FGF12: variants seen among roughly 807,000 people sequenced by gnomAD.
FGF12 encodes the protein fibroblast growth factor 12B.
A neutral mutation model predicts 23.6 loss-of-function variants in FGF12; 14 were observed. That is an observed-to-expected ratio of 0.59 (90% CI 0.39 to 0.93). FGF12 has a LOEUF of 0.93. Ranked by LOEUF, FGF12 falls within the 40% of genes least tolerant of loss-of-function variation. The probability of loss-of-function intolerance (pLI) is 0.00; values close to 1 mark genes in which losing one functional copy is unlikely to be tolerated. For missense variants in FGF12, 175 were observed against 217.8 expected, an observed-to-expected ratio of 0.80 and a Z score of 1.24; for synonymous variants, 62 against 77.3, an observed-to-expected ratio of 0.80 and a Z score of 1.04.
chr3:192,590,165 A>G (rs1713560366), intron 2 of FGF12, among the ~76,000 whole-genome samples: 1 of 151,902 alleles, frequency 6.6e-6, no homozygotes, highest in Admixed American at 6.6e-5. Flanking sequence ...TTCAGATATC[A>G]AATTCATGCA....
intron 2 of FGF12, among the ~76,000 whole-genome samples, chr3:192,542,348 TAA>T (rs1725390446): frequency 6.6e-6 from 1 of 152,224 alleles, no homozygotes; most frequent in African/African-American, 2.4e-5. Flanking sequence ...AATTCTTTTT[TAA>T]TTATTTGAAT....
chr3:192,231,281 C>T lies in FGF12; in HGVS notation c.229-60625G>A, dbSNP rs183620329. 6.3e-3 allele frequency among the ~76,000 whole-genome samples: 951 copies of T among 150,980 alleles called. 10 individuals are homozygous for T. The highest frequency in any genetic ancestry group is 0.023 in the African/African-American group (926 of 41,030). The stretch of plus-strand genomic sequence containing the variant: ...AATGCCTATTTAGATAGGTCACAGG[C>T]CCCCCTTTTTTTTTACTAAGCTAAA... On this transcript the variant is annotated intron_variant, in intron 4 of 5. Transcript: ENST00000445105.
intron 4 of FGF12, among the ~76,000 whole-genome samples, chr3:192,303,647 C>A (rs768844188): frequency 1.3e-5 from 2 of 152,162 alleles, no homozygotes; most frequent in Non-Finnish European, 2.9e-5. Flanking sequence ...AAATTATGAA[C>A]AGGTATCAGA....
At chr3:192,432,467 T>C (rs745326427) in intron 2 of FGF12, among the ~76,000 whole-genome samples, 2 of 151,860 alleles carry the variant, frequency 1.3e-5, no homozygotes, top group Non-Finnish European at 2.9e-5. Flanking sequence ...GAGATATCAC[T>C]CTCTGGATTG....
intron 4 of FGF12, among the ~76,000 whole-genome samples, chr3:192,281,235 C>T (rs370090153): frequency 1.3e-5 from 2 of 152,118 alleles, no homozygotes; most frequent in East Asian, 1.9e-4. Flanking sequence ...TCCTAGTTTG[C>T]CTTTTCCTAG....
chr3:192,584,366 A>C (rs146858898), intron 2 of FGF12, among the ~76,000 whole-genome samples: 1 of 152,150 alleles, frequency 6.6e-6, no homozygotes, highest in African/African-American at 2.4e-5. Flanking sequence ...TCATGATAAC[A>C]TAATTATAAG....
chr3:192,712,537 T>C, intron 2 of FGF12, among the ~76,000 whole-genome samples: 2 of 151,676 alleles, frequency 1.3e-5, no homozygotes, highest in Middle Eastern at 6.9e-3. Flanking sequence ...AAATAAGAAA[T>C]CAGAATGTTA....
intron 2 of FGF12, among the ~76,000 whole-genome samples, chr3:192,550,923 T>G (rs1056224814): frequency 6.6e-6 from 1 of 152,184 alleles, no homozygotes; most frequent in Non-Finnish European, 1.5e-5. Flanking sequence ...TAGCTTCCTC[T>G]CCCTGGAACG....
chr3:192,677,068 T>A (rs1717351020), intron 2 of FGF12, among the ~76,000 whole-genome samples: 3 of 152,202 alleles, frequency 2.0e-5, no homozygotes, highest in African/African-American at 7.2e-5. Context: ...GCTCACCCTG[T>A]AGTGACTGTT....
rs1434085404 is a variant in FGF12 at position 192,409,760 on chromosome 3, G to A, written c.14-49222C>T. ...CCTAGGCCTCCTGGGGCTACCTCGC[G>A]AGGCAGCCGAGGGCGCAACCCGGGC... is the stretch of plus-strand genomic sequence containing the variant. On this transcript the variant is annotated intron_variant, in intron 2 of 5. Transcript: ENST00000445105. This position sits in a 1 kb window ranked among gnomAD's most constrained non-coding sequence, Gnocchi z 4.8. Among the ~76,000 whole-genome samples the A allele has an allele frequency of 1.3e-5, 2 of 152,114 alleles. No individual in the cohort carries two copies. The highest frequency in any genetic ancestry group is 6.5e-5 in the Admixed American group (1 of 15,276).
chr3:192,201,051 T>C lies in FGF12; in HGVS notation c.229-30395A>G, dbSNP rs375211931. On this transcript the variant is annotated intron_variant, in intron 4 of 5. Transcript: ENST00000445105. ...GCTTCAGATGTCTCCAGATAATCCC[T>C]CTGTTAATTGTGAAGGGTCATCTGT... Among the ~76,000 whole-genome samples, 10 of 152,166 alleles carry C rather than the reference T, an allele frequency of 6.6e-5. 1 individual carries two copies. Among genetic ancestry groups the C allele is most frequent in the African/African-American group, 2.4e-4 (10 of 41,442 alleles).
intron 5 of FGF12, among the ~76,000 whole-genome samples, chr3:192,158,372 T>C (rs1293927997): frequency 8.2e-6 from 1 of 121,528 alleles, no homozygotes; most frequent in African/African-American, 3.2e-5. Context: ...CTTTCTTTCT[T>C]TCTTTCTTTC....
rs1014493982 is a variant in FGF12 at position 192,601,415 on chromosome 3, C to A, written c.13+125766G>T. 3.3e-5 allele frequency among the ~76,000 whole-genome samples: 5 copies of A among 151,980 alleles called. No individual in the cohort carries two copies. The East Asian group carries it at 5.8e-4, about 18-fold the overall frequency. On this transcript the variant is annotated intron_variant, in intron 2 of 5. Transcript: ENST00000445105. ...TATAGTTAATAATAATATGTAGTTT[C>A]AAATAGCTACAAGGAGGATATTGAA...
chr3:192,578,382 G>C lies in FGF12; in HGVS notation c.13+148799C>G, dbSNP rs143682812. On this transcript the variant is annotated intron_variant, in intron 2 of 5. Coordinates refer to ENST00000445105, the MANE Select transcript of FGF12 (RefSeq NM_004113.6). ...AGGTCACGCAGCTAGGAAATATTTAGTAAAGCCAGGATTTAAACCCAAGTC... is the reference window on the plus strand; with the variant it reads ...AGGTCACGCAGCTAGGAAATATTTACTAAAGCCAGGATTTAAACCCAAGTC... 1.0e-3 allele frequency among the ~76,000 whole-genome samples: 152 copies of C among 152,340 alleles called. 4 individuals carry two copies. The East Asian group carries it at 0.028, about 28-fold the overall frequency.
chr3:192,651,712 A>G (rs562244212), intron 2 of FGF12, among the ~76,000 whole-genome samples: 1 of 152,332 alleles, frequency 6.6e-6, no homozygotes, highest in East Asian at 1.9e-4. Context: ...AGCAACTAAC[A>G]TATTCATATT....
intron 4 of FGF12, among the ~76,000 whole-genome samples, chr3:192,330,304 G>T (rs1717040700): frequency 6.6e-6 from 1 of 152,060 alleles, no homozygotes; most frequent in Admixed American, 6.6e-5. Context: ...TAAAGCTGTA[G>T]GTCGCACACC....
At chr3:192,290,887 T>TC (rs1714719804) in intron 4 of FGF12, among the ~76,000 whole-genome samples, 1 of 152,078 alleles carries the variant, frequency 6.6e-6, no homozygotes, top group African/African-American at 2.4e-5. Context: ...GTTATTTACT[T>TC]CAAAAAAAAG....
At chr3:192,662,043 G>A (rs530627853) in intron 2 of FGF12, among the ~76,000 whole-genome samples, 3 of 152,318 alleles carry the variant, frequency 2.0e-5, no homozygotes, top group African/African-American at 7.2e-5. Context: ...CTCAGCCTGA[G>A]TGGGCTTCCT....
intron 2 of FGF12, among the ~76,000 whole-genome samples, chr3:192,424,862 C>T (rs1347989472): frequency 2.0e-5 from 3 of 152,128 alleles, no homozygotes; most frequent in Non-Finnish European, 2.9e-5. Context: ...TATCCCTTCA[C>T]CAGTCTTCTT....
Sources: gnomAD v4.1 joint callset for allele counts (sites outside exome capture counted in the v4.1 genomes callset) on GRCh38, gnomAD v4.1.1 for gene constraint, Gnocchi (gnomAD v3.1) non-coding constraint, MANE v1.5 for transcripts, NCBI Gene and HGNC (gene_info 2026-07-23, HGNC 2026-07-21) for gene names.